PCDH15: variants seen among roughly 807,000 people sequenced by gnomAD.
PCDH15 encodes protocadherin related 15.
In PCDH15, 129 loss-of-function variants were observed where a neutral mutation model predicts 178.5. The observed-to-expected ratio is 0.72, with a 90% confidence interval of 0.63 to 0.84. The LOEUF (loss-of-function observed/expected upper bound fraction) is 0.84. Ranked by LOEUF, PCDH15 falls within the 40% of genes least tolerant of loss-of-function variation. PCDH15 has a pLI of 0.00. For synonymous variants in PCDH15, 800 were observed against 732.0 expected (o/e 1.09, Z -1.50); for missense variants, 2,230 against 2,099.9 (o/e 1.06, Z -1.21).
At chr10:53,837,351 T>G (rs2132711579) in intron 29 of PCDH15, among the ~76,000 whole-genome samples, 1 of 152,154 alleles carries the variant, frequency 6.6e-6, no homozygotes, top group South Asian at 2.1e-4. Context: ...GCATAAAATC[T>G]AAGCAATTCA....
chr10:53,822,022 G>T (rs1198625899), intron 32 of PCDH15: 2 of 1,613,926 alleles, frequency 1.2e-6, no homozygotes, highest in African/African-American at 2.7e-5. Flanking sequence ...TTTTCTATTT[G>T]ACTGTACATG....
chr10:54,927,992 A>G (rs1036101696), intron 2 of PCDH15, among the ~76,000 whole-genome samples: 1 of 151,908 alleles, frequency 6.6e-6, no homozygotes, highest in African/African-American at 2.4e-5. Flanking sequence ...TATTAGCTGG[A>G]TATTATGTAG....
chr10:53,876,178 G>GTT (rs11342869), intron 26 of PCDH15, among the ~76,000 whole-genome samples: 4 of 134,112 alleles, frequency 3.0e-5, no homozygotes, highest in African/African-American at 5.3e-5. Context: ...CTTGAGTCTT[G>GTT]TTTTTTTTTT....
intron 3 of PCDH15, among the ~76,000 whole-genome samples, chr10:54,814,625 G>A (rs1251901741): frequency 2.6e-5 from 4 of 152,114 alleles, no homozygotes; most frequent in African/African-American, 9.7e-5. Context: ...TTCTTCATCA[G>A]AATAAGGTCT....
intron 13 of PCDH15, 74 bp downstream of exon 13, chr10:54,183,370 C>G: frequency 1.5e-6 from 2 of 1,376,002 alleles, no homozygotes; most frequent in Non-Finnish European, 2.1e-6. Context: ...TAAGTAATTT[C>G]TTCATGAGCA....
At chr10:53,927,542 T>C (rs546285921) in intron 25 of PCDH15, among the ~76,000 whole-genome samples, 1 of 152,248 alleles carries the variant, frequency 6.6e-6, no homozygotes, top group South Asian at 2.1e-4. Flanking sequence ...TATAATGTGA[T>C]CTTTTATATA....
chr10:55,232,115 C>A (rs1841244553), intron 1 of PCDH15, among the ~76,000 whole-genome samples: 1 of 151,822 alleles, frequency 6.6e-6, no homozygotes. Flanking sequence ...CATATTGTAA[C>A]ACTGTCAAAA....
At chr10:55,378,876 C>T (rs908727799) in intron 2 of PCDH15, among the ~76,000 whole-genome samples, 3 of 104,160 alleles carry the variant, frequency 2.9e-5, no homozygotes, top group African/African-American at 4.4e-5. Context: ...TAACTCTCCC[C>T]ATCTCTCTCT....
chr10:54,899,823 T>A (rs1484645958), intron 2 of PCDH15, among the ~76,000 whole-genome samples: 1 of 149,170 alleles, frequency 6.7e-6, no homozygotes, highest in Non-Finnish European at 1.5e-5. Context: ...TTTGTATTAC[T>A]CTTATAACTT....
intron 2 of PCDH15, among the ~76,000 whole-genome samples, chr10:55,594,535 A>C (rs1243693738): frequency 1.3e-5 from 2 of 152,064 alleles, no homozygotes; most frequent in African/African-American, 2.4e-5. Flanking sequence ...ATTTAGAGAC[A>C]TAAATATTAT....
intron 2 of PCDH15, among the ~76,000 whole-genome samples, chr10:54,601,930 G>T (rs2092555161): frequency 6.6e-6 from 1 of 151,808 alleles, no homozygotes; most frequent in South Asian, 2.1e-4. Context: ...GGAGCTAAAT[G>T]ATGAAAACAC....
chr10:54,776,011 A>G (rs1341020568), intron 1 of PCDH15, among the ~76,000 whole-genome samples: 4 of 152,216 alleles, frequency 2.6e-5, no homozygotes, highest in Non-Finnish European at 1.5e-5. Context: ...TAGCTTCTGC[A>G]TATGAGTAAG....
chr10:54,607,087 T>G (rs926467784), intron 2 of PCDH15: 1 of 152,136 alleles, frequency 6.6e-6, no homozygotes, highest in Non-Finnish European at 1.5e-5. Context: ...AATAAAGGTC[T>G]TTTAGTTGTC....
intron 4 of PCDH15, among the ~76,000 whole-genome samples, chr10:54,369,909 A>G (rs1182586141): frequency 6.6e-6 from 1 of 152,048 alleles, no homozygotes; most frequent in Non-Finnish European, 1.5e-5. Flanking sequence ...TTTGTATAAT[A>G]CTATGAAGTT....
At chr10:54,036,939 C>A (rs1471323247) in intron 18 of PCDH15, among the ~76,000 whole-genome samples, 1 of 151,812 alleles carries the variant, frequency 6.6e-6, no homozygotes, top group African/African-American at 2.4e-5. Context: ...AAGTTGATTT[C>A]TTCCTTCATG....
At chr10:54,689,683 A>G (rs888462191) in intron 1 of PCDH15, among the ~76,000 whole-genome samples, 4 of 152,176 alleles carry the variant, frequency 2.6e-5, no homozygotes, top group African/African-American at 9.7e-5. Flanking sequence ...ATCAAATACT[A>G]TTTGCATGAC....
intron 28 of PCDH15, among the ~76,000 whole-genome samples, chr10:53,852,698 A>T (rs75499982): frequency 0.039 from 5,901 of 152,080 alleles, 362 homozygotes; most frequent in African/African-American, 0.13. Context: ...CCTCATTTGT[A>T]CTGATTACAT....
In PCDH15 at chr10:55,566,268, T is replaced by TA. The variant is rs930507849; in HGVS notation, c.-156+61356dup. 1.3e-4 allele frequency among the ~76,000 whole-genome samples: 19 copies of TA among 151,272 alleles called. No homozygotes were observed. In the East Asian group the frequency reaches 1.6e-3, roughly 12 times the overall value. On this transcript the variant is annotated intron_variant, in intron 2 of 5. Transcript: ENST00000613346. ...CAAAATTTTATACCCTTTCGTGATT[T>TA]AAAAAAAACACTCAACAAAGTAGAA...
chr10:54,114,588 A>C (rs1218898741), intron 15 of PCDH15, among the ~76,000 whole-genome samples: 1 of 152,214 alleles, frequency 6.6e-6, no homozygotes, highest in East Asian at 1.9e-4. Flanking sequence ...ATATAACACA[A>C]AATAAGCACA....
Sources: gnomAD v4.1 joint callset for allele counts (sites outside exome capture counted in the v4.1 genomes callset) on GRCh38, gnomAD v4.1.1 for gene constraint, MANE v1.5 for transcripts, NCBI Gene and HGNC (gene_info 2026-07-23, HGNC 2026-07-21) for gene names.